Variants in CRK observed in about 807,000 individuals in gnomAD.
CRK encodes the protein CRK proto-oncogene, adaptor protein.
In CRK, 4 loss-of-function variants were observed where a neutral mutation model predicts 29.8. The observed-to-expected ratio is 0.13, with a 90% CI of 0.07 to 0.31. The LOEUF (loss-of-function observed/expected upper bound fraction) is 0.31. Ranked by LOEUF, CRK falls within the 10% of genes least tolerant of loss-of-function variation. The pLI is 1.00. For synonymous variants in CRK, 153 were observed against 164.9 expected (o/e 0.93, Z 0.55); for missense variants, 274 against 396.5 (o/e 0.69, Z 2.62).
At chr17:1,452,953 T>G in intron 1 of CRK, among the ~76,000 whole-genome samples, 1 of 151,902 alleles carries the variant, frequency 6.6e-6, no homozygotes, top group South Asian at 2.1e-4. Flanking sequence ...AAAAAAATTT[T>G]CAACAGTTAA....
intron 1 of CRK, among the ~76,000 whole-genome samples, chr17:1,442,941 G>C (rs1361334237): frequency 6.6e-6 from 1 of 151,132 alleles, no homozygotes; most frequent in Non-Finnish European, 1.5e-5. Flanking sequence ...CCAGGCTGGA[G>C]TGCAGTGGCG....
chr17:1,445,774 G>A (rs1216050563), intron 1 of CRK, among the ~76,000 whole-genome samples: 1 of 152,170 alleles, frequency 6.6e-6, no homozygotes, highest in Admixed American at 6.6e-5. Context: ...GTGGTAAGGA[G>A]GCCACCTGGG....
chr17:1,447,420 C>T (rs973233089), intron 1 of CRK, among the ~76,000 whole-genome samples: 3 of 152,014 alleles, frequency 2.0e-5, no homozygotes, highest in African/African-American at 7.2e-5. Flanking sequence ...CTGCTCAGCC[C>T]GTTACTTCTA....
At chr17:1,445,644 C>A (rs936451453) in intron 1 of CRK, among the ~76,000 whole-genome samples, 24 of 152,158 alleles carry the variant, frequency 1.6e-4, no homozygotes, top group African/African-American at 5.8e-4. Context: ...CCTTGCCTAT[C>A]ACCATTAGGC....
In CRK at chr17:1,427,072, A is replaced by AAAAAAG. The variant is rs778793991; in HGVS notation, c.778-3423_778-3422insCTTTTT. Among the ~76,000 whole-genome samples, 130 of 92,072 alleles carry AAAAAAG rather than the reference A, an allele frequency of 1.4e-3. 29 individuals are homozygous for AAAAAAG. Among genetic ancestry groups the AAAAAAG allele is most frequent in the Non-Finnish European group, 2.2e-3 (106 of 47,912 alleles). 60.4% of individuals were successfully genotyped at this position (92,072 alleles called of 152,430 possible). On this transcript the variant is annotated intron_variant, in intron 2 of 2. Coordinates refer to ENST00000300574, the MANE Select transcript of CRK (RefSeq NM_016823.4). ...AAAAAAAAAAAAAAAAAAAAAAAAA[A>AAAAAAG]GATTCTGACATGCCCCAGCCAGGCT...
At chr17:1,453,353 G>C (rs2074032901) in intron 1 of CRK, among the ~76,000 whole-genome samples, 1 of 152,172 alleles carries the variant, frequency 6.6e-6, no homozygotes, top group Non-Finnish European at 1.5e-5. Flanking sequence ...AAACCTGCCT[G>C]CTGCCATTTT....
At chr17:1,445,228 C>T (rs1014408868) in intron 1 of CRK, among the ~76,000 whole-genome samples, 3 of 152,082 alleles carry the variant, frequency 2.0e-5, no homozygotes, top group Non-Finnish European at 2.9e-5. Context: ...AAAGTCCTTC[C>T]GGTAGAAAGA....
At chr17:1,455,852 G>A (rs1364951091) in intron 1 of CRK, 25 bp downstream of exon 1, 3 of 1,521,624 alleles carry the variant, frequency 2.0e-6, no homozygotes, top group African/African-American at 1.4e-5. Flanking sequence ...CCCGCCCAGG[G>A]CCCGCCGTCC....
intron 1 of CRK, among the ~76,000 whole-genome samples, chr17:1,455,577 T>C (rs1054675772): frequency 6.6e-6 from 1 of 152,066 alleles, no homozygotes; most frequent in Non-Finnish European, 1.5e-5. Context: ...CACGTTGCCT[T>C]GCCCTGCCCT....
chr17:1,448,887 TA>T (rs1323830180), intron 1 of CRK, among the ~76,000 whole-genome samples: 1 of 151,948 alleles, frequency 6.6e-6, no homozygotes, highest in Non-Finnish European at 1.5e-5. Flanking sequence ...TCTCTATTTT[TA>T]AAAACTGATT....
At chr17:1,433,277 C>T (rs1397074228) in intron 2 of CRK, among the ~76,000 whole-genome samples, 1 of 152,130 alleles carries the variant, frequency 6.6e-6, no homozygotes, top group Non-Finnish European at 1.5e-5. Context: ...TTTTCTAGGT[C>T]CCTACTACCA....
At chr17:1,433,099 A>C (rs900607474) in intron 2 of CRK, among the ~76,000 whole-genome samples, 1 of 152,206 alleles carries the variant, frequency 6.6e-6, no homozygotes, top group Non-Finnish European at 1.5e-5. Context: ...ATCCTGGTGC[A>C]ATCAGATCTA....
intron 2 of CRK, among the ~76,000 whole-genome samples, chr17:1,429,889 C>A (rs751899615): frequency 3.3e-5 from 5 of 151,138 alleles, no homozygotes; most frequent in African/African-American, 4.9e-5. Context: ...TACAACTGGG[C>A]ACCCTTGCTT....
At chr17:1,427,126 G>GAA (rs764041078) in intron 2 of CRK, among the ~76,000 whole-genome samples, 8 of 105,990 alleles carry the variant, frequency 7.5e-5, no homozygotes, top group Admixed American at 2.2e-4. Flanking sequence ...TGTGTCTCTT[G>GAA]AAAAAAAAAA....
rs927258768 is a variant in CRK, at chr17:1,452,744, C to T, written c.241+3133G>A. On this transcript the variant is annotated intron_variant, in intron 1 of 2. Transcript: ENST00000300574. ...GGCAGAGGTTGCAGTGGGCCAATATCGCGCCATTGCGCTCCAGCGTGGGAG... is the reference window on the plus strand; with the variant it reads ...GGCAGAGGTTGCAGTGGGCCAATATTGCGCCATTGCGCTCCAGCGTGGGAG... 7.3e-5 allele frequency among the ~76,000 whole-genome samples: 11 copies of T among 151,460 alleles called. No individual in the cohort carries two copies. In the East Asian group the frequency reaches 1.2e-3, roughly 16 times the overall value.
At chr17:1,448,638 A>G (rs907540871) in intron 1 of CRK, among the ~76,000 whole-genome samples, 2 of 54,416 alleles carry the variant, frequency 3.7e-5, no homozygotes, top group Non-Finnish European at 1.1e-4. Flanking sequence ...AAAAAAAAAA[A>G]AAAAGAAAAA....
chr17:1,447,046 G>A (rs1182009620), intron 1 of CRK, among the ~76,000 whole-genome samples: 1 of 152,132 alleles, frequency 6.6e-6, no homozygotes, highest in Admixed American at 6.6e-5. Flanking sequence ...AACTGCTGGG[G>A]GCCATCAAGC....
At chr17:1,440,471 AG>A (rs1240295205) in intron 1 of CRK, among the ~76,000 whole-genome samples, 1 of 151,916 alleles carries the variant, frequency 6.6e-6, no homozygotes, top group Admixed American at 6.6e-5. Context: ...TCTTAAAAAA[AG>A]AAAAAATAAA....
intron 1 of CRK, among the ~76,000 whole-genome samples, chr17:1,444,073 C>A (rs1183250042): frequency 6.6e-6 from 1 of 151,768 alleles, no homozygotes; most frequent in Non-Finnish European, 1.5e-5. Context: ...TCAAAGTAAT[C>A]CTCTTCCCCC....
Sources: gnomAD v4.1 joint callset for allele counts (sites outside exome capture counted in the v4.1 genomes callset) on GRCh38, gnomAD v4.1.1 for gene constraint, MANE v1.5 for transcripts, NCBI Gene and HGNC (gene_info 2026-07-23, HGNC 2026-07-21) for gene names.